The following PFKFB4 variants were observed in gnomAD, a reference collection of about 807,000 sequenced individuals.
PFKFB4 encodes the protein 6-phosphofructo-2-kinase/fructose-2,6-biphosphatase 4.
Under a neutral mutation model 62.8 loss-of-function variants are expected in PFKFB4, and 42 were observed. The observed-to-expected ratio is 0.67, with a 90% CI of 0.52 to 0.86. PFKFB4 has a LOEUF of 0.86. PFKFB4 is among the 40% of genes least tolerant of loss of function. The pLI is 0.00. For missense variants in PFKFB4, 475 were observed against 627.2 expected, an observed-to-expected ratio of 0.76 and a Z score of 2.59; for synonymous variants, 204 against 240.7, an observed-to-expected ratio of 0.85 and a Z score of 1.41.
intron 3 of PFKFB4, chr3:48,548,753 CA>C (rs1200123148): frequency 6.6e-6 from 1 of 152,166 alleles, no homozygotes; most frequent in East Asian, 1.9e-4. Flanking sequence ...TCAATATAAC[CA>C]GAGGGTCCAG....
At chr3:48,533,382 C>T (rs1009358396) in intron 9 of PFKFB4, among the ~76,000 whole-genome samples, 5 of 151,630 alleles carry the variant, frequency 3.3e-5, no homozygotes, top group Non-Finnish European at 7.4e-5. Flanking sequence ...TATTTTACCA[C>T]AGTAAAAAAA....
At chr3:48,557,341 C>T (rs142859212), upstream of PFKFB4, among the ~76,000 whole-genome samples, 1,016 of 152,336 alleles carry the variant, frequency 6.7e-3, 9 homozygotes, top group Middle Eastern at 0.02. Flanking sequence ...CCTGCAGTCC[C>T]AGCCGTCAAC....
rs1445593029 is a variant in PFKFB4 at position 48,551,567 on chromosome 3, C to T, written c.98-1333G>A. On this transcript the variant is annotated intron_variant, in intron 1 of 13. Coordinates refer to ENST00000232375, the MANE Select transcript of PFKFB4 (RefSeq NM_004567.4). ...TTTTTTTTTTTGAGAGGGAGTCTCG[C>T]TCTGTCGCCCTTGCCCAGGCTGGAG... Among the ~76,000 whole-genome samples the T allele has an allele frequency of 4.4e-5, 5 of 113,104 alleles. No homozygotes were observed. In the East Asian group the frequency reaches 8.6e-4, roughly 19 times the overall value. The allele number at this position is 113,104 out of a possible 152,430, so 74.2% of individuals were successfully genotyped here. A position where few individuals can be genotyped will look rare whatever the true frequency, so the allele number is the denominator to read the frequency against.
At chr3:48,533,173 C>T (rs2042482184) in intron 9 of PFKFB4, among the ~76,000 whole-genome samples, 2 of 152,122 alleles carry the variant, frequency 1.3e-5, no homozygotes, top group Non-Finnish European at 2.9e-5. Context: ...CCTCAGCCTC[C>T]CAAGTACCTG....
intron 1 of PFKFB4, 109 bp from the exon 2 acceptor site, chr3:48,550,343 G>C (rs184495785): frequency 4.1e-6 from 3 of 732,214 alleles, no homozygotes; most frequent in East Asian, 2.5e-5. Flanking sequence ...GGCATCAGAC[G>C]TATCTTCTTG....
At chr3:48,547,875 C>T (rs999232901) in intron 3 of PFKFB4, 1 of 152,204 alleles carries the variant, frequency 6.6e-6, no homozygotes, top group Non-Finnish European at 1.5e-5. Context: ...TGTCTCTTCC[C>T]AGGTTTTCCA....
intron 13 of PFKFB4, among the ~76,000 whole-genome samples, chr3:48,520,035 G>A (rs558963072): frequency 5.3e-5 from 8 of 152,152 alleles, no homozygotes; most frequent in Non-Finnish European, 8.8e-5. Context: ...ATGCCACCTC[G>A]TTTCCTGCTC....
intron 8 of PFKFB4, 84 bp from the exon 9 acceptor site, chr3:48,535,742 A>G (rs900927736): frequency 2.9e-5 from 44 of 1,516,060 alleles, no homozygotes; most frequent in Non-Finnish European, 3.9e-5. Context: ...CCATGAGATC[A>G]CCCTCGCCTT....
intron 1 of PFKFB4, among the ~76,000 whole-genome samples, chr3:48,551,960 T>A (rs1560179696): frequency 6.6e-6 from 1 of 152,152 alleles, no homozygotes. Flanking sequence ...TGAACAGATG[T>A]GGGGACCTGT....
Position 48,556,011 on chromosome 3 carries a change from A to C in PFKFB4, c.97+670T>G. 1 of 434,772 alleles carries C rather than the reference A, an allele frequency of 2.3e-6. No individual in the cohort carries two copies. The highest frequency in any genetic ancestry group is 4.7e-6 in the Non-Finnish European group (1 of 211,528). The allele number at this position is 434,772 out of a possible 1,614,324, so 26.9% of individuals were successfully genotyped here. ...GAGAGGTGAGCCCCTTAACAATTCC[A>C]TGAATTTCAGCATTCTCCTAGCTGT... On this transcript the variant is annotated intron_variant, in intron 1 of 13. Transcript: ENST00000232375. The surrounding 1 kb of genome is among the most constrained non-coding windows in gnomAD (Gnocchi z 5.7).
intron 3 of PFKFB4, among the ~76,000 whole-genome samples, chr3:48,545,892 T>C (rs991355262): frequency 1.3e-5 from 2 of 152,186 alleles, no homozygotes; most frequent in African/African-American, 4.8e-5. Context: ...CATTTCTCCT[T>C]AGAGCCCCAC....
At chr3:48,524,511 G>C (rs930252364) in intron 10 of PFKFB4, among the ~76,000 whole-genome samples, 1 of 152,228 alleles carries the variant, frequency 6.6e-6, no homozygotes, top group South Asian at 2.1e-4. Flanking sequence ...TGGTAGTTCT[G>C]AGAAAATCCT....
In PFKFB4 at chr3:48,556,559, C is replaced by T; in HGVS notation, c.97+122G>A. On this transcript the variant is annotated intron_variant, in intron 1 of 13. Transcript: ENST00000232375. This position sits in a 1 kb window ranked among gnomAD's most constrained non-coding sequence, Gnocchi z 5.7. ...CAGCAGCCTCCCCAGTCACGGCAAC[C>T]TCACCTGTCCCCGGTTCCCCATCTG... 5 of 1,213,294 alleles carry T rather than the reference C, an allele frequency of 4.1e-6. No homozygotes were observed. The highest frequency in any genetic ancestry group is 5.7e-6 in the Non-Finnish European group (5 of 883,044). 75.2% of individuals were successfully genotyped at this position (1,213,294 alleles called of 1,614,324 possible).
At chr3:48,545,525 C>T (rs533295483) in intron 3 of PFKFB4, among the ~76,000 whole-genome samples, 53 of 152,254 alleles carry the variant, frequency 3.5e-4, no homozygotes, top group Non-Finnish European at 5.9e-4. Context: ...TGAAATACAG[C>T]GGCAGAAGCT....
chr3:48,527,684 CTT>C (rs1180697646), intron 9 of PFKFB4, among the ~76,000 whole-genome samples: 76 of 121,174 alleles, frequency 6.3e-4, no homozygotes, highest in African/African-American at 1.1e-3. Flanking sequence ...CGTCCATCAT[CTT>C]TTTTTTTTTT....
intron 10 of PFKFB4, among the ~76,000 whole-genome samples, chr3:48,524,760 T>C (rs761829304): frequency 2.2e-4 from 34 of 152,338 alleles, no homozygotes; most frequent in Middle Eastern, 3.4e-3. Context: ...TACATGTGTA[T>C]ATATATGTGT....
upstream of PFKFB4, chr3:48,562,515 G>A: frequency 1.9e-6 from 1 of 519,842 alleles, no homozygotes; most frequent in Non-Finnish European, 3.4e-6. This position sits in a 1 kb window ranked among gnomAD's most constrained non-coding sequence, Gnocchi z 4.3. Flanking sequence ...GGGGCACACA[G>A]GCATGGCAAG....
intron 4 of PFKFB4, 126 bp downstream of exon 4, chr3:48,543,454 C>T: frequency 1.2e-6 from 1 of 837,340 alleles, no homozygotes; most frequent in Non-Finnish European, 2.0e-6. Flanking sequence ...CTCCCAAGGG[C>T]TGGCACCCAG....
In PFKFB4 at chr3:48,538,638, G is replaced by C; in HGVS notation, c.511-19C>G. 5 of 1,614,078 alleles carry C rather than the reference G, an allele frequency of 3.1e-6. No individual in the cohort carries two copies. The highest frequency in any genetic ancestry group is 4.2e-6 in the Non-Finnish European group (5 of 1,180,022). On this transcript the variant is annotated intron_variant, in intron 6 of 13. Coordinates refer to ENST00000232375, the MANE Select transcript of PFKFB4 (RefSeq NM_004567.4). ...TCACTTGCTGCCGGAGCCAGGCACA[G>C]AGAAAGGACATATCAGGGTCAGGAG...
Sources: gnomAD v4.1 joint callset for allele counts (sites outside exome capture counted in the v4.1 genomes callset) on GRCh38, gnomAD v4.1.1 for gene constraint, Gnocchi (gnomAD v3.1) non-coding constraint, MANE v1.5 for transcripts, NCBI Gene and HGNC (gene_info 2026-07-23, HGNC 2026-07-21) for gene names.